Variants in TBC1D5 observed in about 807,000 individuals in gnomAD.
TBC1D5 encodes the protein TBC1 domain family member 5, also known as TBC1 domain family, member 5.
A neutral mutation model predicts 100.3 loss-of-function variants in TBC1D5; 75 were observed. The observed-to-expected ratio is 0.75, with a 90% CI of 0.62 to 0.91. TBC1D5 has a LOEUF of 0.91. Among genes scored for constraint, TBC1D5 ranks in the 40% least tolerant of loss-of-function variants. TBC1D5 has a pLI of 0.00. For missense variants in TBC1D5, 910 were observed against 942.4 expected (o/e 0.97, Z 0.45); for synonymous variants, 323 against 325.6 (o/e 0.99, Z 0.09).
chr3:17,215,181 T>C (rs893967654), intron 17 of TBC1D5, among the ~76,000 whole-genome samples: 5 of 152,082 alleles, frequency 3.3e-5, no homozygotes, highest in African/African-American at 1.2e-4. Flanking sequence ...GCTCTGGCTG[T>C]TGTATTGAGA....
rs1386204732 is a variant in TBC1D5, at chr3:17,251,628, T to C, written c.1331+6878A>G. The stretch of plus-strand genomic sequence containing the variant: ...TCTCTAAAAATCAAGAAGCCTGATT[T>C]CTCTTCTCTGCTTCACCATGGATTG... On this transcript the variant is annotated intron_variant, in intron 16 of 21. Coordinates refer to ENST00000253692, the Ensembl canonical transcript of TBC1D5. Among the ~76,000 whole-genome samples the C allele has an allele frequency of 3.3e-5, 5 of 152,176 alleles. No individual in the cohort carries two copies. The East Asian group carries it at 7.7e-4, about 23-fold the overall frequency.
chr3:17,305,782 A>C (rs2150489276), intron 14 of TBC1D5, among the ~76,000 whole-genome samples: 1 of 152,162 alleles, frequency 6.6e-6, no homozygotes, highest in Non-Finnish European at 1.5e-5. Flanking sequence ...TTAATCACTA[A>C]ATCTTGCTAC....
At chr3:17,541,973 G>A (rs1375567004) in intron 2 of TBC1D5, among the ~76,000 whole-genome samples, 1 of 152,076 alleles carries the variant, frequency 6.6e-6, no homozygotes, top group Non-Finnish European at 1.5e-5. Context: ...CAGAGATTAC[G>A]AACAAAAATT....
At chr3:17,650,532 C>T (rs73167527) in intron 1 of TBC1D5, among the ~76,000 whole-genome samples, 8,157 of 152,008 alleles carry the variant, frequency 0.054, 695 homozygotes, top group African/African-American at 0.18. Context: ...TTCTCTTCTA[C>T]TCATAAGAAA....
At chr3:17,487,022 A>G (rs2095577473) in intron 3 of TBC1D5, among the ~76,000 whole-genome samples, 1 of 152,196 alleles carries the variant, frequency 6.6e-6, no homozygotes, top group African/African-American at 2.4e-5. Context: ...TCAGTAACAT[A>G]GTGATAGTTA....
exon 13 of TBC1D5, chr3:17,372,137 C>T: frequency 1.4e-5 from 23 of 1,613,748 alleles, no homozygotes; most frequent in Non-Finnish European, 1.8e-5. Context: ...CAATATCATG[C>T]TTCTTCAGTA....
At chr3:17,604,737 A>C (rs2061226079) in intron 2 of TBC1D5, among the ~76,000 whole-genome samples, 1 of 152,088 alleles carries the variant, frequency 6.6e-6, no homozygotes, top group South Asian at 2.1e-4. Flanking sequence ...GCTCACTGCA[A>C]CCTCAGTGCT....
chr3:17,555,041 G>C (rs958399242), intron 2 of TBC1D5, among the ~76,000 whole-genome samples: 1 of 151,858 alleles, frequency 6.6e-6, no homozygotes, highest in Non-Finnish European at 1.5e-5. Context: ...GAAGAGATGG[G>C]GGTTTCCCCA....
At chr3:17,412,723 T>C (rs1349582423) in intron 4 of TBC1D5, among the ~76,000 whole-genome samples, 1 of 152,184 alleles carries the variant, frequency 6.6e-6, no homozygotes, top group Non-Finnish European at 1.5e-5. Flanking sequence ...TTAGGGTATA[T>C]ATTTTTAACC....
intron 1 of TBC1D5, among the ~76,000 whole-genome samples, chr3:17,726,754 T>C (rs1007557598): frequency 2.0e-5 from 3 of 152,236 alleles, no homozygotes; most frequent in African/African-American, 4.8e-5. Flanking sequence ...CCTGCTCTTC[T>C]AGTTGTTTTC....
chr3:17,736,885 T>A (rs1334439109), intron 1 of TBC1D5, among the ~76,000 whole-genome samples: 1 of 152,012 alleles, frequency 6.6e-6, no homozygotes, highest in Non-Finnish European at 1.5e-5. Context: ...TGGTGGCATG[T>A]ACCTATAGTC....
At chr3:17,401,251 A>G (rs1324400120) in intron 8 of TBC1D5, among the ~76,000 whole-genome samples, 1 of 150,218 alleles carries the variant, frequency 6.7e-6, no homozygotes, top group African/African-American at 2.4e-5. Context: ...GTATGTGTAT[A>G]ATATACATAT....
chr3:17,668,274 G>A (rs1407410329), intron 1 of TBC1D5, among the ~76,000 whole-genome samples: 1 of 150,932 alleles, frequency 6.6e-6, no homozygotes, highest in African/African-American at 2.4e-5. Flanking sequence ...GGAATGGGGG[G>A]GTGGCTACAG....
intron 3 of TBC1D5, among the ~76,000 whole-genome samples, chr3:17,469,543 A>G (rs914010014): frequency 6.6e-5 from 10 of 152,140 alleles, no homozygotes; most frequent in Non-Finnish European, 1.0e-4. Flanking sequence ...ATTAAGATTT[A>G]CAAAGTTATT....
At chr3:17,297,151 A>AT (rs1247227644) in intron 14 of TBC1D5, among the ~76,000 whole-genome samples, 3 of 152,244 alleles carry the variant, frequency 2.0e-5, no homozygotes, top group Admixed American at 6.5e-5. Flanking sequence ...GAATGACGGC[A>AT]TGTTAGCTCC....
chr3:17,569,757 G>A (rs1160850756), intron 2 of TBC1D5, among the ~76,000 whole-genome samples: 2 of 150,636 alleles, frequency 1.3e-5, no homozygotes, highest in East Asian at 1.9e-4. Flanking sequence ...CTGATTATTA[G>A]GCAATATATA....
chr3:17,225,307 C>T (rs1236391635), intron 17 of TBC1D5, among the ~76,000 whole-genome samples: 6 of 151,624 alleles, frequency 4.0e-5, no homozygotes, highest in East Asian at 1.9e-4. Flanking sequence ...GGCATGGTGG[C>T]GCATGCCTGT....
chr3:17,510,913 C>A (rs1437007153), intron 2 of TBC1D5, among the ~76,000 whole-genome samples: 3 of 151,950 alleles, frequency 2.0e-5, no homozygotes, highest in Non-Finnish European at 4.4e-5. Context: ...TCTAGAATCA[C>A]ACAAGGAGTA....
intron 13 of TBC1D5, among the ~76,000 whole-genome samples, chr3:17,316,359 T>C (rs987214787): frequency 1.3e-5 from 2 of 152,176 alleles, no homozygotes; most frequent in Admixed American, 6.5e-5. Context: ...ATTCCATTCA[T>C]CAGTAGAGAG....
Sources: allele counts gnomAD v4.1 joint callset (sites outside exome capture counted in the v4.1 genomes callset), GRCh38; gene constraint gnomAD v4.1.1; transcripts MANE v1.5; gene names NCBI Gene and HGNC (gene_info 2026-07-23, HGNC 2026-07-21).